The following FREM2 variants were observed in gnomAD, a reference collection of about 807,000 sequenced individuals.
FREM2 encodes FRAS1 related extracellular matrix 2, also known as FRAS1-related extracellular matrix protein 2.
In FREM2, 119 loss-of-function variants were observed where a neutral mutation model predicts 219.9. The observed-to-expected ratio is 0.54, with a 90% confidence interval of 0.47 to 0.63. FREM2 has a LOEUF of 0.63. Among genes scored for constraint, FREM2 ranks in the 30% least tolerant of loss-of-function variants. The probability of loss-of-function intolerance (pLI) is 0.00; values close to 1 mark genes in which losing one functional copy is unlikely to be tolerated. For missense variants in FREM2, 4,030 were observed against 3,993.6 expected (o/e 1.01, Z -0.25); for synonymous variants, 1,562 against 1,522.8 (o/e 1.03, Z -0.60).
intron 2 of FREM2, among the ~76,000 whole-genome samples, chr13:38,758,769 G>T (rs1156833581): frequency 6.6e-6 from 1 of 152,198 alleles, no homozygotes; most frequent in Non-Finnish European, 1.5e-5. Context: ...TTTAATTTTA[G>T]ATCTTCACCA....
chr13:38,796,366 A>G (rs1295035423), intron 6 of FREM2, among the ~76,000 whole-genome samples: 1 of 152,172 alleles, frequency 6.6e-6, no homozygotes, highest in East Asian at 1.9e-4. Flanking sequence ...TTGTGTCTTC[A>G]TCCTAACTCA....
intron 2 of FREM2, 67 bp downstream of exon 2, chr13:38,697,854 C>A: frequency 1.1e-6 from 1 of 871,880 alleles, no homozygotes; most frequent in Non-Finnish European, 2.0e-6. Flanking sequence ...TCTCTGATGA[C>A]ATTATTACAA....
chr13:38,870,528 A>AAC (rs1196949953), intron 16 of FREM2, among the ~76,000 whole-genome samples: 24 of 104,258 alleles, frequency 2.3e-4, no homozygotes, highest in Non-Finnish European at 4.7e-4. Context: ...AGTGCTTTTT[A>AAC]AGTTGACATC....
chr13:38,860,574 A>C (rs2137921705), intron 14 of FREM2, among the ~76,000 whole-genome samples: 1 of 152,334 alleles, frequency 6.6e-6, no homozygotes, highest in African/African-American at 2.4e-5. Context: ...CTCTCTTTTA[A>C]TAAATCAGAC....
intron 6 of FREM2, among the ~76,000 whole-genome samples, chr13:38,816,969 A>G (rs2137871990): frequency 6.6e-6 from 1 of 152,264 alleles, no homozygotes; most frequent in Non-Finnish European, 1.5e-5. Flanking sequence ...TTTCATTTAC[A>G]ATAGCTACAA....
At chr13:38,712,402 A>G (rs909738823) in intron 2 of FREM2, among the ~76,000 whole-genome samples, 5 of 152,198 alleles carry the variant, frequency 3.3e-5, no homozygotes, top group Non-Finnish European at 7.3e-5. Context: ...CTTTGAATCT[A>G]CCAATATAGC....
rs1875823094 is a variant in FREM2, at chr13:38,817,699, A to G, written c.6020-28874A>G. Among the ~76,000 whole-genome samples the G allele has an allele frequency of 2.6e-5, 4 of 152,142 alleles. No individual in the cohort carries two copies. In the South Asian group the frequency reaches 8.3e-4, roughly 31 times the overall value. Reference sequence around the variant, plus strand: ...AAGGATAGTCAACAAAAGGAAAAATAGGCATATAGGATTATATCAAACTAA... The same window carrying G: ...AAGGATAGTCAACAAAAGGAAAAATGGGCATATAGGATTATATCAAACTAA... On this transcript the variant is annotated intron_variant, in intron 6 of 23. Coordinates refer to ENST00000280481, the MANE Select transcript of FREM2 (RefSeq NM_207361.6).
At chr13:38,855,862 C>T (rs1042296198) in intron 11 of FREM2, among the ~76,000 whole-genome samples, 1 of 151,656 alleles carries the variant, frequency 6.6e-6, no homozygotes, top group Non-Finnish European at 1.5e-5. Context: ...ACCTCCTGTT[C>T]CCCTAAAACT....
chr13:38,856,148 A>G lies in FREM2; in HGVS notation c.6948A>G (p.Glu2316=). The G allele has an allele frequency of 3.1e-6, 5 of 1,611,374 alleles. No homozygotes were observed. The highest frequency in any genetic ancestry group is 3.4e-6 in the Non-Finnish European group (4 of 1,177,750). Residue 2316 remains glutamate (E), a synonymous_variant, in exon 12 of 24, where the codon GAA becomes GAG. Transcript: ENST00000280481. ...TAGAAATTGAGTTTAAGGAAGGGGA[A>G]ACCCAGCACGTGGTTGAAATCGAAG... ...VSEEIEFKEG[E]TQHVVEIEVT... is the part of the protein sequence containing the mutation.
chr13:38,849,583 T>C (rs1025977268), intron 8 of FREM2, among the ~76,000 whole-genome samples: 6 of 152,164 alleles, frequency 3.9e-5, no homozygotes, highest in African/African-American at 1.4e-4. Context: ...GTCTCACCTA[T>C]TGTCAATGAG....
chr13:38,874,683 A>C (rs894799414), intron 18 of FREM2, 97 bp downstream of exon 18: 5 of 923,462 alleles, frequency 5.4e-6, no homozygotes, highest in Non-Finnish European at 9.0e-6. Flanking sequence ...TTACCACTGA[A>C]GCCCTTAATC....
At position 38,878,957 on chromosome 13, in the gene FREM2, G is replaced by T; in HGVS notation, c.8986G>T (p.Asp2996Tyr). ...GCCTGGATCTGATGGATTTAAAGTC[G>T]ACTCAACACCACTCTTTCAGGTAGG... is the stretch of plus-strand genomic sequence containing the variant. Reference protein sequence around the residue: ...NQPGSDGFKVDSTPLFQVALG... With the variant: ...NQPGSDGFKVYSTPLFQVALG... Residue 2996 changes from aspartate to tyrosine, a missense_variant, in exon 23 of 24, where the codon GAC (aspartate) becomes TAC (tyrosine). Coordinates refer to ENST00000280481, the MANE Select transcript of FREM2 (RefSeq NM_207361.6). The T allele has an allele frequency of 1.2e-6, 2 of 1,614,130 alleles. No homozygotes were observed. The highest frequency in any genetic ancestry group is 1.1e-5 in the South Asian group (1 of 91,072).
intron 7 of FREM2, 81 bp from the exon 8 acceptor site, chr13:38,848,380 A>T: frequency 1.0e-6 from 1 of 992,102 alleles, no homozygotes; most frequent in Non-Finnish European, 1.6e-6. Context: ...AGAATTATAA[A>T]CACAATTACA....
intron 6 of FREM2, among the ~76,000 whole-genome samples, chr13:38,839,294 G>A (rs1331587400): frequency 6.6e-6 from 1 of 152,196 alleles, no homozygotes; most frequent in Non-Finnish European, 1.5e-5. Flanking sequence ...AGCAGAGGCT[G>A]CAGAACAGCG....
chr13:38,875,792 A>G (rs148222934), intron 18 of FREM2, among the ~76,000 whole-genome samples: 2 of 152,340 alleles, frequency 1.3e-5, no homozygotes, highest in Admixed American at 1.3e-4. Flanking sequence ...AGTAGGAATC[A>G]GAAAGTCACA....
chr13:38,800,065 T>G (rs1355382800), intron 6 of FREM2, among the ~76,000 whole-genome samples: 2 of 152,138 alleles, frequency 1.3e-5, no homozygotes, highest in Non-Finnish European at 2.9e-5. Context: ...TTCCCTCTTA[T>G]TGTTTGTCGT....
At chr13:38,762,145 C>T (rs761465708) in intron 2 of FREM2, among the ~76,000 whole-genome samples, 1 of 152,068 alleles carries the variant, frequency 6.6e-6, no homozygotes, top group South Asian at 2.1e-4. Flanking sequence ...TTACCTGAGT[C>T]GATCTTTGAA....
rs149145233 is a variant in FREM2, at chr13:38,739,398, T to C, written c.5264-24906T>C. 2.2e-3 allele frequency among the ~76,000 whole-genome samples: 330 copies of C among 152,284 alleles called. 2 individuals carry two copies. The highest frequency in any genetic ancestry group is 7.0e-3 in the African/African-American group (290 of 41,556). On this transcript the variant is annotated intron_variant, in intron 2 of 23. Coordinates refer to ENST00000280481, the MANE Select transcript of FREM2 (RefSeq NM_207361.6). ...TGTAAAGGAACCAGGAGTGATTATG[T>C]AGAATCCTCTTTTGACTTTTATGGG...
At chr13:38,705,302 C>G (rs1388058553) in intron 2 of FREM2, among the ~76,000 whole-genome samples, 1 of 151,994 alleles carries the variant, frequency 6.6e-6, no homozygotes, top group African/African-American at 2.4e-5. Flanking sequence ...AAGCATGATT[C>G]TGGGTTTTAC....
Sources: gnomAD v4.1 joint callset for allele counts (sites outside exome capture counted in the v4.1 genomes callset) on GRCh38, gnomAD v4.1.1 for gene constraint, MANE v1.5 for transcripts, NCBI Gene and HGNC (gene_info 2026-07-23, HGNC 2026-07-21) for gene names.